The following NOP58 variants were observed in gnomAD, a reference collection of about 807,000 sequenced individuals.
NOP58 encodes the protein nucleolar protein 58.
Under a neutral mutation model 71.2 loss-of-function variants are expected in NOP58, and 44 were observed. The ratio of observed to expected loss-of-function variants is 0.62; its 90% CI spans 0.49 to 0.79. NOP58 has a LOEUF of 0.79. Among genes scored for constraint, NOP58 ranks in the 30% least tolerant of loss-of-function variants. NOP58 has a pLI of 0.00. For missense variants in NOP58, 538 were observed against 620.2 expected (o/e 0.87, Z 1.41); for synonymous variants, 228 against 200.3 (o/e 1.14, Z -1.17).
At position 202,297,842 on chromosome 2, in the gene NOP58, T is replaced by C; in HGVS notation, c.1207-3T>C. On this transcript the variant is annotated splice_region_variant and splice_polypyrimidine_tract_variant and intron_variant, in intron 11 of 14. Transcript: ENST00000264279. ...TATTTGTAATTTTTCGTTTTCTTCT[T>C]AGATAAGAAAAATAAGTGGAACAGG... 6.5e-7 allele frequency: 1 copy of C among 1,536,964 alleles called. No individual in the cohort carries two copies. The highest frequency in any genetic ancestry group is 8.9e-7 in the Non-Finnish European group (1 of 1,125,820).
intron 2 of NOP58, among the ~76,000 whole-genome samples, chr2:202,277,123 G>A (rs557036589): frequency 4.4e-4 from 67 of 151,914 alleles, no homozygotes; most frequent in Non-Finnish European, 6.3e-4. Flanking sequence ...CCGTCTCTAC[G>A]AAAAATACAA....
At chr2:202,269,031 C>T (rs1434421253) in intron 1 of NOP58, among the ~76,000 whole-genome samples, 3 of 152,010 alleles carry the variant, frequency 2.0e-5, no homozygotes, top group Admixed American at 6.6e-5. Flanking sequence ...GCTCTGTCAC[C>T]CAGGCTGGGG....
At chr2:202,270,903 C>T (rs1688502363) in intron 1 of NOP58, among the ~76,000 whole-genome samples, 1 of 151,966 alleles carries the variant, frequency 6.6e-6, no homozygotes, top group South Asian at 2.1e-4. Flanking sequence ...GCCTGGCCAA[C>T]ATAGTGAAAC....
chr2:202,275,014 T>TG, intron 1 of NOP58, 99 bp from the exon 2 acceptor site: 1 of 426,318 alleles, frequency 2.3e-6, no homozygotes, highest in Non-Finnish European at 3.9e-6. Flanking sequence ...AAATAGCTTC[T>TG]ACACCTTCAT....
intron 12 of NOP58, 38 bp from the exon 13 acceptor site, chr2:202,300,196 C>G (rs751016447): frequency 2.6e-6 from 4 of 1,519,816 alleles, no homozygotes; most frequent in Non-Finnish European, 3.6e-6. Context: ...ATTCCAGATA[C>G]TTGTTAGAGA....
intron 3 of NOP58, among the ~76,000 whole-genome samples, chr2:202,280,768 G>T (rs964759195): frequency 1.4e-5 from 2 of 142,708 alleles, no homozygotes; most frequent in Admixed American, 6.8e-5. Flanking sequence ...CAACTTGCAA[G>T]TCTTTTTTTT....
intron 3 of NOP58, among the ~76,000 whole-genome samples, chr2:202,278,564 A>G (rs911555118): frequency 2.6e-5 from 4 of 152,226 alleles, no homozygotes; most frequent in Non-Finnish European, 4.4e-5. Context: ...AGATTTCATC[A>G]CGGGACAACA....
intron 14 of NOP58, 68 bp from the exon 15 acceptor site, chr2:202,303,318 A>G (rs189701316): frequency 2.8e-5 from 45 of 1,585,398 alleles, no homozygotes; most frequent in Admixed American, 2.1e-4. Flanking sequence ...GGGTTTTTAT[A>G]TTTTCAATGT....
At chr2:202,302,160 T>C (rs1689106318) in intron 13 of NOP58, among the ~76,000 whole-genome samples, 1 of 148,386 alleles carries the variant, frequency 6.7e-6, no homozygotes, top group Admixed American at 6.9e-5. Flanking sequence ...TGATCTTGGC[T>C]GACTGCAGCC....
At position 202,275,188 on chromosome 2, in the gene NOP58, A is replaced by G. The variant is rs149937193; in HGVS notation, c.121A>G (p.Ile41Val). 3.3e-5 allele frequency: 49 copies of G among 1,501,976 alleles called. No individual in the cohort carries two copies. The highest frequency in any genetic ancestry group is 2.4e-4 in the African/African-American group (17 of 71,688). The allele number at this position is 1,501,976 out of a possible 1,614,324, so 93.0% of individuals were successfully genotyped here. A position where few individuals can be genotyped will look rare whatever the true frequency, so the allele number is the denominator to read the frequency against. The part of the protein sequence containing the change: ...EFETPEKANK[I>V]VKLKHFEKFQ... Reference sequence around the variant, plus strand: ...TGAAACTCCAGAGAAAGCAAACAAAATGTAAGTACTCTTGAAATCAATAAT... The same window carrying G: ...TGAAACTCCAGAGAAAGCAAACAAAGTGTAAGTACTCTTGAAATCAATAAT... The change falls in exon 2 of 15, where the codon ATA becomes GTA. Residue 41 changes from isoleucine (I) to valine (V), a missense_variant and splice_region_variant. Transcript: ENST00000264279.
chr2:202,275,072 C>G (rs372316867), intron 1 of NOP58, 41 bp from the exon 2 acceptor site: 2 of 995,384 alleles, frequency 2.0e-6, no homozygotes, highest in South Asian at 1.4e-5. Flanking sequence ...TATGCCTCAC[C>G]TGTACCATTT....
chr2:202,266,573 C>T (rs1293287052), intron 1 of NOP58, among the ~76,000 whole-genome samples: 1 of 152,174 alleles, frequency 6.6e-6, no homozygotes, highest in Non-Finnish European at 1.5e-5. Context: ...GCCTCGGCCT[C>T]CCAAAGTGCT....
Position 202,290,222 on chromosome 2 carries a change from G to A in NOP58, c.500-101G>A, listed in dbSNP as rs914069243. On this transcript the variant is annotated intron_variant, in intron 6 of 14. Coordinates refer to ENST00000264279, the MANE Select transcript of NOP58 (RefSeq NM_015934.5). The stretch of plus-strand genomic sequence containing the variant: ...GCCTGTCTGCTGGGATTACAGACAT[G>A]AGCCACCGTGCCCAGCCTGAAGTGT... 9.3e-5 allele frequency: 84 copies of A among 906,808 alleles called. 1 individual carries two copies. In the South Asian group the frequency reaches 1.3e-3, roughly 14 times the overall value. The allele number at this position is 906,808 out of a possible 1,614,324, so 56.2% of individuals were successfully genotyped here. A position where few individuals can be genotyped will look rare whatever the true frequency, so the allele number is the denominator to read the frequency against.
At chr2:202,288,466 G>C (rs1688829265) in intron 6 of NOP58, among the ~76,000 whole-genome samples, 1 of 138,600 alleles carries the variant, frequency 7.2e-6, no homozygotes, top group Non-Finnish European at 1.5e-5. Flanking sequence ...TGGGCAACAA[G>C]AGCAAATCTC....
At chr2:202,297,762 C>G (rs1349586952) in intron 11 of NOP58, 83 bp from the exon 12 acceptor site, 1 of 860,654 alleles carries the variant, frequency 1.2e-6, no homozygotes. Flanking sequence ...GTTTGCTGGC[C>G]CACTGATTCA....
rs138161180 is a variant in NOP58 at position 202,284,640 on chromosome 2, A to G, written c.434+159A>G. On this transcript the variant is annotated intron_variant, in intron 5 of 14. Coordinates refer to ENST00000264279, the MANE Select transcript of NOP58 (RefSeq NM_015934.5). ...CATTTACAGATGAAACTGAAGCCCAAGGTCAATACAGCTGGTAAGTGGTAA... is the reference window on the plus strand; with the variant it reads ...CATTTACAGATGAAACTGAAGCCCAGGGTCAATACAGCTGGTAAGTGGTAA... 1,028 of 691,528 alleles carry G rather than the reference A, an allele frequency of 1.5e-3. 8 individuals are homozygous for G. The African/African-American group carries it at 0.016, about 11-fold the overall frequency. The allele number at this position is 691,528 out of a possible 1,614,324, so 42.8% of individuals were successfully genotyped here.
intron 1 of NOP58, among the ~76,000 whole-genome samples, chr2:202,267,808 A>G (rs1051589154): frequency 2.0e-5 from 3 of 152,204 alleles, no homozygotes; most frequent in African/African-American, 4.8e-5. Context: ...TGTCTCGATG[A>G]ATTACTGATT....
intron 12 of NOP58, among the ~76,000 whole-genome samples, chr2:202,298,832 C>T (rs190502949): frequency 1.3e-5 from 2 of 151,880 alleles, no homozygotes; most frequent in African/African-American, 2.4e-5. Context: ...TGTGATGATG[C>T]AGGTAGAATG....
chr2:202,300,326 T>A lies in NOP58; in HGVS notation c.1361T>A (p.Ile454Asn). Residue 454 changes from isoleucine (I) to asparagine (N), a missense_variant, in exon 13 of 15, where the codon ATT becomes AAT. Transcript: ENST00000264279. ...GAACAGGTAGATAAAGAGGATGAAA[T>A]TACTGAAAAGAAAGCCAAAAAAGCC... ...KIEQVDKEDE[I>N]TEKKAKKAKI... 1.3e-6 allele frequency: 2 copies of A among 1,594,904 alleles called. No homozygotes were observed. The highest frequency in any genetic ancestry group is 1.7e-6 in the Non-Finnish European group (2 of 1,175,540).
Sources: gnomAD v4.1 joint callset for allele counts (sites outside exome capture counted in the v4.1 genomes callset) on GRCh38, gnomAD v4.1.1 for gene constraint, MANE v1.5 for transcripts, NCBI Gene and HGNC (gene_info 2026-07-23, HGNC 2026-07-21) for gene names.